Variants in SNTB1 observed in about 807,000 individuals in gnomAD.
SNTB1 encodes the protein beta-1-syntrophin.
A neutral mutation model predicts 48.9 loss-of-function variants in SNTB1; 36 were observed. The ratio of observed to expected loss-of-function variants is 0.74; its 90% confidence interval spans 0.56 to 0.97. The LOEUF (loss-of-function observed/expected upper bound fraction) is 0.97. Ranked by LOEUF, SNTB1 falls within the 50% of genes least tolerant of loss-of-function variation. SNTB1 has a pLI of 0.00. For missense variants in SNTB1, 786 were observed against 703.4 expected (o/e 1.12, Z -1.33); for synonymous variants, 299 against 294.6 (o/e 1.01, Z -0.15).
At chr8:120,549,038 AT>A in intron 4 of SNTB1, 80 bp from the exon 5 acceptor site, 1 of 1,153,646 alleles carries the variant, frequency 8.7e-7, no homozygotes, top group Non-Finnish European at 1.2e-6. Context: ...TAAGACCCAA[AT>A]TGGTGATCTG....
rs1307539694 is a variant in SNTB1 at position 120,538,657 on chromosome 8, A to G, written c.*220T>C. 1.6e-6 allele frequency: 1 copy of G among 617,626 alleles called. No homozygotes were observed. The highest frequency in any genetic ancestry group is 3.0e-6 in the Non-Finnish European group (1 of 329,638). 38.3% of individuals were successfully genotyped at this position (617,626 alleles called of 1,614,324 possible). A position where few individuals can be genotyped will look rare whatever the true frequency, so the allele number is the denominator to read the frequency against. On this transcript the variant is annotated 3_prime_UTR_variant, in exon 7 of 7. Transcript: ENST00000517992. ...CTCTTTAACCTTGTACTGTTCTAGA[A>G]AGTTTTACTCTGATATTTCTCATGG...
At chr8:120,762,350 C>T (rs1183861616) in intron 1 of SNTB1, among the ~76,000 whole-genome samples, 1 of 152,106 alleles carries the variant, frequency 6.6e-6, no homozygotes, top group Non-Finnish European at 1.5e-5. Flanking sequence ...GGCGGTTCTG[C>T]AAAGCAGGCA....
chr8:120,745,453 A>G (rs933273463), intron 1 of SNTB1, among the ~76,000 whole-genome samples: 1 of 152,120 alleles, frequency 6.6e-6, no homozygotes, highest in Non-Finnish European at 1.5e-5. Context: ...AAATTCCAGA[A>G]GAGAAGCAGA....
chr8:120,581,454 A>G (rs185856692), intron 3 of SNTB1, among the ~76,000 whole-genome samples: 2 of 152,100 alleles, frequency 1.3e-5, no homozygotes, highest in African/African-American at 4.8e-5. Flanking sequence ...AAATACAAAA[A>G]TTAGCGGGGC....
At chr8:120,552,971 G>A (rs1256303903) in intron 4 of SNTB1, among the ~76,000 whole-genome samples, 3 of 152,022 alleles carry the variant, frequency 2.0e-5, no homozygotes, top group African/African-American at 7.2e-5. Flanking sequence ...GAACTCTTGC[G>A]AGAATCTAAC....
At chr8:120,696,267 TG>T in intron 1 of SNTB1, among the ~76,000 whole-genome samples, 1 of 152,310 alleles carries the variant, frequency 6.6e-6, no homozygotes, top group East Asian at 1.9e-4. Flanking sequence ...GGATGCTTCA[TG>T]GGGAAGGTGC....
At chr8:120,645,129 T>C (rs1269109175) in intron 2 of SNTB1, among the ~76,000 whole-genome samples, 2 of 151,528 alleles carry the variant, frequency 1.3e-5, no homozygotes, top group East Asian at 1.9e-4. Flanking sequence ...TTCACTCTGA[T>C]GGTAGTTTCT....
At chr8:120,663,187 A>C (rs1817619488) in intron 2 of SNTB1, among the ~76,000 whole-genome samples, 1 of 152,206 alleles carries the variant, frequency 6.6e-6, no homozygotes, top group Non-Finnish European at 1.5e-5. Context: ...ACCTCTCTGC[A>C]TCTGAGTTTC....
At chr8:120,545,473 C>T (rs1447638525) in intron 5 of SNTB1, among the ~76,000 whole-genome samples, 1 of 152,156 alleles carries the variant, frequency 6.6e-6, no homozygotes, top group Non-Finnish European at 1.5e-5. Flanking sequence ...ATTCTCAGGC[C>T]CCACCCTAGA....
intron 2 of SNTB1, among the ~76,000 whole-genome samples, chr8:120,683,575 G>A (rs1817975012): frequency 6.6e-6 from 1 of 151,894 alleles, no homozygotes; most frequent in Non-Finnish European, 1.5e-5. Flanking sequence ...CAGTGGGTCA[G>A]GTAGTGGTGG....
rs60374035 is a variant in SNTB1 at position 120,797,546 on chromosome 8, C to CTTTTTTTTTTTTT, written c.571+13714_571+13726dup. 4.3e-4 allele frequency among the ~76,000 whole-genome samples: 30 copies of CTTTTTTTTTTTTT among 69,114 alleles called. 1 individual carries two copies. Among genetic ancestry groups the CTTTTTTTTTTTTT allele is most frequent in the African/African-American group, 1.4e-3 (25 of 17,956 alleles). 45.3% of individuals were successfully genotyped at this position (69,114 alleles called of 152,430 possible). A position where few individuals can be genotyped will look rare whatever the true frequency, so the allele number is the denominator to read the frequency against. On this transcript the variant is annotated intron_variant, in intron 1 of 6. Transcript: ENST00000517992. The stretch of plus-strand genomic sequence containing the variant: ...TCATTAACCAAAGCAACTTGTTTCT[C>CTTTTTTTTTTTTT]TTTTTTTTTTTTTTTTTTTTTTTTT...
chr8:120,698,970 T>G (rs1818259251), intron 1 of SNTB1, among the ~76,000 whole-genome samples: 1 of 152,200 alleles, frequency 6.6e-6, no homozygotes, highest in African/African-American at 2.4e-5. Flanking sequence ...GCAGCCAACA[T>G]TAGTGTATTA....
rs563840735 is a variant in SNTB1 at position 120,563,473 on chromosome 8, G to A, written c.1136+11613C>T. Among the ~76,000 whole-genome samples, 3 of 152,212 alleles carry A rather than the reference G, an allele frequency of 2.0e-5. No homozygotes were observed. In the South Asian group the frequency reaches 6.2e-4, roughly 32 times the overall value. ...ACTCATAGGGGCACCATTGAAGTTT[G>A]GCAGTGGAAGAGGAGAGATGACTGC... is the stretch of plus-strand genomic sequence containing the variant. On this transcript the variant is annotated intron_variant, in intron 4 of 6. Transcript: ENST00000517992.
intron 2 of SNTB1, among the ~76,000 whole-genome samples, chr8:120,686,728 C>G (rs1398761084): frequency 1.3e-5 from 2 of 152,180 alleles, no homozygotes; most frequent in Non-Finnish European, 2.9e-5. Flanking sequence ...AGAATAACTG[C>G]AACTCTAGAG....
chr8:120,695,024 A>G (rs1196900031), intron 1 of SNTB1, among the ~76,000 whole-genome samples: 1 of 152,124 alleles, frequency 6.6e-6, no homozygotes, highest in Non-Finnish European at 1.5e-5. Context: ...TCTGAATTTG[A>G]GCATTTGGTC....
rs138573832 is a variant in SNTB1 at position 120,597,228 on chromosome 8, T to C, written c.997-22003A>G. Among the ~76,000 whole-genome samples, 966 of 152,360 alleles carry C rather than the reference T, an allele frequency of 6.3e-3. 7 individuals carry two copies. Among genetic ancestry groups the C allele is most frequent in the African/African-American group, 0.022 (895 of 41,578 alleles). On this transcript the variant is annotated intron_variant, in intron 3 of 6. Coordinates refer to ENST00000517992, the MANE Select transcript of SNTB1 (RefSeq NM_021021.4). ...GGAAGATGCAAGAAATAGATTGTCC[T>C]TTAGAGCATCCAGAGGGCACGTGGC...
chr8:120,561,402 T>A (rs1455253578), intron 4 of SNTB1, among the ~76,000 whole-genome samples: 1 of 149,524 alleles, frequency 6.7e-6, no homozygotes, highest in South Asian at 2.1e-4. Context: ...AGGTCATCCA[T>A]GGGTTTAATT....
rs543073159 is a variant in SNTB1, at chr8:120,595,706, C to A, written c.997-20481G>T. 1.5e-4 allele frequency among the ~76,000 whole-genome samples: 23 copies of A among 152,196 alleles called. No individual in the cohort carries two copies. The South Asian group carries it at 3.9e-3, about 26-fold the overall frequency. On this transcript the variant is annotated intron_variant, in intron 3 of 6. Coordinates refer to ENST00000517992, the MANE Select transcript of SNTB1 (RefSeq NM_021021.4). ...TCAAGCAATTCTCCTGCCTCAGCCT[C>A]CCGAGTAGCTGGGATTCCAGGCATG...
At chr8:120,573,460 T>A (rs927464445) in intron 4 of SNTB1, among the ~76,000 whole-genome samples, 1 of 152,198 alleles carries the variant, frequency 6.6e-6, no homozygotes, top group African/African-American at 2.4e-5. Context: ...TAATTAGATA[T>A]GAGGTCTCCC....
Sources: gnomAD v4.1 joint callset for allele counts (sites outside exome capture counted in the v4.1 genomes callset) on GRCh38, gnomAD v4.1.1 for gene constraint, MANE v1.5 for transcripts, NCBI Gene and HGNC (gene_info 2026-07-23, HGNC 2026-07-21) for gene names.